Variants in KSR2 observed in about 807,000 individuals in gnomAD.
KSR2 encodes the protein kinase suppressor of ras 2.
Under a neutral mutation model 107.8 loss-of-function variants are expected in KSR2, and 25 were observed. That is an observed-to-expected ratio of 0.23 (90% CI 0.17 to 0.32). The LOEUF is 0.32. Ranked by LOEUF, KSR2 falls within the 10% of genes least tolerant of loss-of-function variation. KSR2 has a pLI of 1.00. For synonymous variants in KSR2, 480 were observed against 507.0 expected (o/e 0.95, Z 0.71); for missense variants, 887 against 1,268.9 (o/e 0.70, Z 4.57).
intron 6 of KSR2, among the ~76,000 whole-genome samples, chr12:117,580,996 G>A (rs925875747): frequency 7.9e-5 from 12 of 152,208 alleles, no homozygotes; most frequent in Admixed American, 3.9e-4. Context: ...GAGCCAGAGA[G>A]CAGTGAGGAG....
intron 5 of KSR2, among the ~76,000 whole-genome samples, chr12:117,636,318 T>C (rs1341536227): frequency 6.8e-6 from 1 of 148,066 alleles, no homozygotes; most frequent in Admixed American, 6.9e-5. Flanking sequence ...AATAAAAAAA[T>C]TAAAATAAAT....
At chr12:117,803,737 G>A (rs1380164653) in intron 3 of KSR2, among the ~76,000 whole-genome samples, 2 of 152,170 alleles carry the variant, frequency 1.3e-5, no homozygotes, top group South Asian at 2.1e-4. Flanking sequence ...AAAGAAAAGA[G>A]TTGAAATTTA....
chr12:117,642,777 C>G (rs1395381132), intron 5 of KSR2, among the ~76,000 whole-genome samples: 1 of 152,100 alleles, frequency 6.6e-6, no homozygotes, highest in Non-Finnish European at 1.5e-5. Flanking sequence ...CTTTCTAGAG[C>G]CTTGATTTTC....
intron 4 of KSR2, among the ~76,000 whole-genome samples, chr12:117,706,438 G>T (rs1250823765): frequency 6.6e-6 from 1 of 152,124 alleles, no homozygotes; most frequent in Non-Finnish European, 1.5e-5. Flanking sequence ...TGGCCAAGCT[G>T]CCTGTCTTCT....
At chr12:117,608,549 G>A (rs1881417041) in intron 5 of KSR2, among the ~76,000 whole-genome samples, 1 of 152,096 alleles carries the variant, frequency 6.6e-6, no homozygotes, top group Non-Finnish European at 1.5e-5. Flanking sequence ...TCTCTCATCG[G>A]CACCTGAGGC....
intron 1 of KSR2, among the ~76,000 whole-genome samples, chr12:117,868,972 C>T (rs1269149760): frequency 6.6e-6 from 1 of 151,906 alleles, no homozygotes; most frequent in African/African-American, 2.4e-5. Context: ...AGGTTGGTCT[C>T]GAACTCCCGA....
At chr12:117,626,633 T>G (rs528831115) in intron 5 of KSR2, among the ~76,000 whole-genome samples, 1 of 152,354 alleles carries the variant, frequency 6.6e-6, no homozygotes, top group South Asian at 2.1e-4. Context: ...AATTATGTGA[T>G]CAATTTTAGA....
chr12:117,540,169 C>T (rs1197220254), intron 9 of KSR2, among the ~76,000 whole-genome samples: 2 of 152,110 alleles, frequency 1.3e-5, no homozygotes, highest in African/African-American at 2.4e-5. Context: ...GACAGTCACT[C>T]ACCCTGTGCC....
chr12:117,536,932 G>C (rs1462009312), intron 10 of KSR2, among the ~76,000 whole-genome samples: 2 of 152,206 alleles, frequency 1.3e-5, no homozygotes, highest in East Asian at 3.9e-4. Context: ...CTTTAACAGG[G>C]CTGGCTATGG....
intron 3 of KSR2, among the ~76,000 whole-genome samples, chr12:117,770,680 AGTTATCG>A (rs1418869179): frequency 6.6e-6 from 1 of 151,852 alleles, no homozygotes; most frequent in Non-Finnish European, 1.5e-5. Context: ...TGTTATTGAC[AGTTATCG>A]GTCGGGCGCG....
chr12:117,628,393 C>A (rs542746745), intron 5 of KSR2, among the ~76,000 whole-genome samples: 3 of 152,216 alleles, frequency 2.0e-5, no homozygotes, highest in East Asian at 1.9e-4. Flanking sequence ...GTGTAGATGA[C>A]CTTTTTGTTG....
intron 5 of KSR2, among the ~76,000 whole-genome samples, chr12:117,614,469 T>C (rs1881767215): frequency 6.6e-6 from 1 of 152,228 alleles, no homozygotes; most frequent in Non-Finnish European, 1.5e-5. Flanking sequence ...AAATGGAAAG[T>C]GCTCTGAAAC....
At chr12:117,865,421 T>C (rs986235529) in intron 1 of KSR2, among the ~76,000 whole-genome samples, 12 of 152,242 alleles carry the variant, frequency 7.9e-5, no homozygotes, top group African/African-American at 2.9e-4. Context: ...CTGTTCATTA[T>C]TCTATATCTA....
At chr12:117,666,444 T>C (rs1884664089) in intron 5 of KSR2, among the ~76,000 whole-genome samples, 1 of 152,218 alleles carries the variant, frequency 6.6e-6, no homozygotes, top group Non-Finnish European at 1.5e-5. Context: ...TGATGTGTGA[T>C]GTGTTAGAAA....
At chr12:117,708,979 A>C (rs1479692482) in intron 4 of KSR2, among the ~76,000 whole-genome samples, 1 of 152,060 alleles carries the variant, frequency 6.6e-6, no homozygotes, top group Non-Finnish European at 1.5e-5. Context: ...TTCAAAGTCC[A>C]TCATTGCAAT....
chr12:117,623,274 C>T (rs1380208690), intron 5 of KSR2, among the ~76,000 whole-genome samples: 2 of 152,122 alleles, frequency 1.3e-5, no homozygotes, highest in South Asian at 2.1e-4. Flanking sequence ...GGTACATGTG[C>T]ACAACATGCA....
At chr12:117,607,643 A>G (rs368018553) in intron 5 of KSR2, among the ~76,000 whole-genome samples, 2,621 of 133,700 alleles carry the variant, frequency 0.02, 153 homozygotes, top group East Asian at 0.15. Context: ...GACCTCCCGG[A>G]GAGGGGAGGA....
At chr12:117,479,975 T>C (rs1565865783) in intron 16 of KSR2, among the ~76,000 whole-genome samples, 1 of 152,158 alleles carries the variant, frequency 6.6e-6, no homozygotes, top group Non-Finnish European at 1.5e-5. Context: ...GGCACAGGAC[T>C]GTGTCAGCTG....
At chr12:117,596,121 T>C (rs1880629989) in intron 5 of KSR2, among the ~76,000 whole-genome samples, 1 of 150,784 alleles carries the variant, frequency 6.6e-6, no homozygotes, top group Non-Finnish European at 1.5e-5. Context: ...ACTGGGTAAT[T>C]TATACAGAAA....
Sources: gnomAD v4.1 joint callset for allele counts (sites outside exome capture counted in the v4.1 genomes callset) on GRCh38, gnomAD v4.1.1 for gene constraint, MANE v1.5 for transcripts, NCBI Gene and HGNC (gene_info 2026-07-23, HGNC 2026-07-21) for gene names.